The following OTOGL variants were observed in gnomAD, a reference collection of about 807,000 sequenced individuals.
The protein encoded by OTOGL is otogelin like, also known as otogelin-like protein.
In OTOGL, 285 loss-of-function variants were observed where a neutral mutation model predicts 318.5. The observed-to-expected ratio is 0.89, with a 90% CI of 0.81 to 0.99. The LOEUF (loss-of-function observed/expected upper bound fraction) is 0.99. OTOGL is among the 50% of genes least tolerant of loss of function. The pLI is 0.00. For synonymous variants in OTOGL, 987 were observed against 936.5 expected, an observed-to-expected ratio of 1.05 and a Z score of -0.99; for missense variants, 2,899 against 2,845.6, an observed-to-expected ratio of 1.02 and a Z score of -0.43.
chr12:80,158,515 G>A (rs994032928), intron 1 of OTOGL, among the ~76,000 whole-genome samples: 3 of 151,842 alleles, frequency 2.0e-5, no homozygotes, highest in Admixed American at 6.6e-5. Flanking sequence ...GGAGGTAAAG[G>A]CATTCTGAGT....
At chr12:80,264,792 AT>A (rs34435931) in intron 19 of OTOGL, among the ~76,000 whole-genome samples, 4 of 151,702 alleles carry the variant, frequency 2.6e-5, no homozygotes, top group African/African-American at 9.7e-5. Flanking sequence ...ACAATACACT[AT>A]TTTTTTTCCT....
intron 1 of OTOGL, among the ~76,000 whole-genome samples, chr12:80,122,809 G>A (rs992223367): frequency 6.6e-5 from 10 of 152,056 alleles, no homozygotes; most frequent in African/African-American, 2.2e-4. Flanking sequence ...TCTATGACTT[G>A]GAAAGACCAA....
chr12:80,212,260 A>G (rs1025138547), intron 4 of OTOGL, among the ~76,000 whole-genome samples: 1 of 152,136 alleles, frequency 6.6e-6, no homozygotes, highest in African/African-American at 2.4e-5. Context: ...GGCTTGAGGC[A>G]TTTAATTCCA....
At chr12:80,122,117 T>G (rs1299137337) in intron 1 of OTOGL, among the ~76,000 whole-genome samples, 1 of 152,054 alleles carries the variant, frequency 6.6e-6, no homozygotes, top group East Asian at 1.9e-4. Context: ...AATTGCCAAA[T>G]CCATCCTTTT....
At chr12:80,149,584 G>C in intron 1 of OTOGL, among the ~76,000 whole-genome samples, 1 of 152,102 alleles carries the variant, frequency 6.6e-6, no homozygotes, top group Non-Finnish European at 1.5e-5. Flanking sequence ...CTTGAGCTGT[G>C]GTGGGCTCCA....
rs1216218431 is a variant in OTOGL at position 80,379,880 on chromosome 12, C to T, written c.*1832C>T. On this transcript the variant is annotated 3_prime_UTR_variant, in exon 59 of 59. Transcript: ENST00000547103. The stretch of plus-strand genomic sequence containing the variant: ...CTCTTGGGACACAGGCAAAACTAAA[C>T]AGACACAGTCCTAACTCCCTTAATT... 1 of 151,916 alleles carries T rather than the reference C, an allele frequency of 6.6e-6. No individual in the cohort carries two copies. The highest frequency in any genetic ancestry group is 2.1e-4 in the South Asian group (1 of 4,834). 9.4% of individuals were successfully genotyped at this position (151,916 alleles called of 1,614,324 possible).
chr12:80,146,410 T>A (rs375899629), intron 1 of OTOGL, among the ~76,000 whole-genome samples: 2 of 151,130 alleles, frequency 1.3e-5, no homozygotes, highest in African/African-American at 2.5e-5. Flanking sequence ...GATGAAGCCC[T>A]CTTGATCATG....
chr12:80,350,279 C>T (rs1161727166), intron 44 of OTOGL, among the ~76,000 whole-genome samples: 2 of 152,000 alleles, frequency 1.3e-5, no homozygotes, highest in Non-Finnish European at 2.9e-5. Context: ...TGTATATTTA[C>T]CAAATTTTCT....
At chr12:80,229,154 A>T in intron 7 of OTOGL, 103 bp from the exon 8 acceptor site, 1 of 1,313,854 alleles carries the variant, frequency 7.6e-7, no homozygotes, top group Non-Finnish European at 1.0e-6. Context: ...GTAAAGTGTC[A>T]TGGGACTAAT....
At chr12:80,285,917 G>C (rs1884584722) in intron 26 of OTOGL, among the ~76,000 whole-genome samples, 1 of 152,134 alleles carries the variant, frequency 6.6e-6, no homozygotes, top group South Asian at 2.1e-4. Context: ...TGTTGAATAA[G>C]AGTGGTAAGA....
intron 43 of OTOGL, among the ~76,000 whole-genome samples, chr12:80,341,035 G>A (rs941635092): frequency 6.6e-6 from 1 of 150,524 alleles, no homozygotes; most frequent in East Asian, 1.9e-4. Flanking sequence ...TATCTCCTTG[G>A]GAATTAAGAT....
chr12:80,109,037 T>C (rs989261149), intron 1 of OTOGL, among the ~76,000 whole-genome samples: 7 of 150,856 alleles, frequency 4.6e-5, no homozygotes, highest in African/African-American at 1.7e-4. Context: ...CTCTTATATC[T>C]TTCTGACTCG....
At chr12:80,199,887 A>G (rs749001386) in intron 1 of OTOGL, among the ~76,000 whole-genome samples, 2 of 152,214 alleles carry the variant, frequency 1.3e-5, no homozygotes, top group Non-Finnish European at 2.9e-5. Context: ...TCAATTGCTT[A>G]CAGGATCAAG....
At position 80,217,609 on chromosome 12, in the gene OTOGL, T is replaced by C. The variant is rs1260921420; in HGVS notation, c.180T>C (p.Thr60=). 1.9e-6 allele frequency: 3 copies of C among 1,545,640 alleles called. 1 individual carries two copies. In the South Asian group the frequency reaches 3.5e-5, roughly 18 times the overall value. The change falls in exon 5 of 59, where the codon ACT becomes ACC. Residue 60 remains threonine (T), a synonymous_variant. Coordinates refer to ENST00000547103, the MANE Select transcript of OTOGL (RefSeq NM_001378609.3). The part of the protein sequence containing the change: ...RALLAAQFEA[T]SPRYFFHDAI... ...TCTTTCTTTCAAAGTTTGAAGCTAC[T>C]TCTCCGAGATACTTTTTCCATGATG...
intron 11 of OTOGL, 108 bp downstream of exon 11, chr12:80,239,547 A>G (rs1880185744): frequency 1.3e-6 from 1 of 755,624 alleles, no homozygotes; most frequent in Non-Finnish European, 2.0e-6. Flanking sequence ...ATATTATGGG[A>G]AATGTAAAAT....
intron 32 of OTOGL, 83 bp from the exon 33 acceptor site, chr12:80,318,463 T>G: frequency 1.0e-6 from 1 of 980,874 alleles, no homozygotes; most frequent in Admixed American, 4.2e-5. Context: ...AGTATTTTGT[T>G]ATTAAAACAT....
At chr12:80,312,540 G>A (rs1886701835) in intron 30 of OTOGL, among the ~76,000 whole-genome samples, 1 of 152,134 alleles carries the variant, frequency 6.6e-6, no homozygotes. Flanking sequence ...TTTTTTAAGA[G>A]TGTAAAGGGA....
At chr12:80,202,793 T>C (rs527715898) in intron 1 of OTOGL, among the ~76,000 whole-genome samples, 1 of 152,272 alleles carries the variant, frequency 6.6e-6, no homozygotes, top group South Asian at 2.1e-4. Context: ...ATAGAGGTAG[T>C]CATGGGAACC....
intron 25 of OTOGL, 127 bp from the exon 26 acceptor site, chr12:80,278,901 G>A: frequency 9.4e-7 from 1 of 1,058,370 alleles, no homozygotes; most frequent in Non-Finnish European, 1.4e-6. Context: ...AGAATGAACT[G>A]GCAATATTCG....
Sources: allele counts gnomAD v4.1 joint callset (sites outside exome capture counted in the v4.1 genomes callset), GRCh38; gene constraint gnomAD v4.1.1; transcripts MANE v1.5; gene names NCBI Gene and HGNC (gene_info 2026-07-23, HGNC 2026-07-21).